RAB27B: variants seen among roughly 807,000 people sequenced by gnomAD.
The protein encoded by RAB27B is ras-related protein Rab-27B.
In RAB27B, 15 loss-of-function variants were observed where a neutral mutation model predicts 24.6. The ratio of observed to expected loss-of-function variants is 0.61; its 90% CI spans 0.41 to 0.94. The LOEUF (loss-of-function observed/expected upper bound fraction) is 0.94, where lower values mean the gene tolerates loss of function less well. Among genes scored for constraint, RAB27B ranks in the 40% least tolerant of loss-of-function variants. The pLI is 0.00. For synonymous variants in RAB27B, 105 were observed against 92.5 expected (o/e 1.14, Z -0.78); for missense variants, 261 against 266.8 (o/e 0.98, Z 0.15).
intron 2 of RAB27B, among the ~76,000 whole-genome samples, chr18:54,805,020 T>A (rs573656092): frequency 2.0e-5 from 3 of 151,632 alleles, no homozygotes; most frequent in South Asian, 4.2e-4. Context: ...CTTTTTTTAA[T>A]TTTTGACTGC....
intron 1 of RAB27B, among the ~76,000 whole-genome samples, chr18:54,855,224 G>A (rs929199296): frequency 2.6e-5 from 4 of 152,194 alleles, no homozygotes; most frequent in African/African-American, 7.2e-5. Context: ...AGGAGGTGGA[G>A]CTCAGACGGT....
At chr18:54,720,464 A>G (rs1370568961) in intron 2 of RAB27B, among the ~76,000 whole-genome samples, 1 of 152,128 alleles carries the variant, frequency 6.6e-6, no homozygotes, top group African/African-American at 2.4e-5. Context: ...AAGACAGACA[A>G]TATTCCCTAA....
intron 2 of RAB27B, among the ~76,000 whole-genome samples, chr18:54,743,609 G>A (rs1393307748): frequency 3.3e-5 from 5 of 152,142 alleles, no homozygotes; most frequent in Non-Finnish European, 4.4e-5. Flanking sequence ...GATGACTGGT[G>A]GATGCCTGGT....
intron 2 of RAB27B, among the ~76,000 whole-genome samples, chr18:54,759,966 C>A (rs535433508): frequency 6.6e-6 from 1 of 152,296 alleles, no homozygotes; most frequent in East Asian, 1.9e-4. Flanking sequence ...GTTCCTGCAA[C>A]CTGATTCTTC....
chr18:54,729,260 T>A (rs1227284006), intron 2 of RAB27B, among the ~76,000 whole-genome samples: 1 of 152,110 alleles, frequency 6.6e-6, no homozygotes, highest in Non-Finnish European at 1.5e-5. Context: ...GGGCCTAGAA[T>A]GATTAAGTTT....
Position 54,891,404 on chromosome 18 carries a change from C to G in RAB27B, c.*1991C>G, listed in dbSNP as rs1304999144. The G allele has an allele frequency of 6.6e-6, 1 of 151,078 alleles. No homozygotes were observed. The highest frequency in any genetic ancestry group is 2.5e-5 in the African/African-American group (1 of 40,456). The allele number at this position is 151,078 out of a possible 1,614,324, so 9.4% of individuals were successfully genotyped here. A position where few individuals can be genotyped will look rare whatever the true frequency, so the allele number is the denominator to read the frequency against. The stretch of plus-strand genomic sequence containing the variant: ...GGTATTCCCTCCCATGGTGTTTCCT[C>G]TGGGATGCTCTTCATTATCTCAATG... On this transcript the variant is annotated 3_prime_UTR_variant, in exon 6 of 6. Coordinates refer to ENST00000262094, the MANE Select transcript of RAB27B (RefSeq NM_004163.4).
intron 2 of RAB27B, among the ~76,000 whole-genome samples, chr18:54,777,441 C>T (rs1908751394): frequency 6.6e-6 from 1 of 152,230 alleles, no homozygotes; most frequent in South Asian, 2.1e-4. Flanking sequence ...AGTATTTCTG[C>T]AGCCCAGTGT....
intron 1 of RAB27B, among the ~76,000 whole-genome samples, chr18:54,872,154 T>C (rs947046933): frequency 6.6e-6 from 1 of 152,156 alleles, no homozygotes; most frequent in Non-Finnish European, 1.5e-5. Flanking sequence ...AGGAGCCCAG[T>C]TCTCTGAGCC....
At position 54,888,105 on chromosome 18, in the gene RAB27B, G is replaced by T. The variant is rs1306664518; in HGVS notation, c.454G>T (p.Ala152Ser). The stretch of plus-strand genomic sequence containing the variant: ...CAATGAACGGCAAGCTCGGGAACTG[G>T]CTGACAAATATGGGTAAGTCAGTTA... ...EVNERQAREL[A>S]DKYGIPYFET... The change falls in exon 5 of 6, where the codon GCT becomes TCT. Residue 152 changes from alanine (A) to serine (S), a missense_variant. Physicochemically the swap from Ala to Ser is moderately conservative, Grantham distance 99. Transcript: ENST00000262094. 2 of 1,612,542 alleles carry T rather than the reference G, an allele frequency of 1.2e-6. No homozygotes were observed. The highest frequency in any genetic ancestry group is 4.5e-5 in the East Asian group (2 of 44,836).
chr18:54,830,010 C>T (rs1910614228), intron 1 of RAB27B, among the ~76,000 whole-genome samples: 1 of 152,120 alleles, frequency 6.6e-6, no homozygotes, highest in Non-Finnish European at 1.5e-5. Flanking sequence ...ACTGTCATTG[C>T]TTTCGAAAGG....
intron 1 of RAB27B, among the ~76,000 whole-genome samples, chr18:54,833,234 C>CTTTTT (rs559070445): frequency 0.22 from 28,114 of 129,280 alleles, 3,850 homozygotes; most frequent in African/African-American, 0.31. Flanking sequence ...TTCTTTCTTT[C>CTTTTT]TTTTTTTTTT....
intron 2 of RAB27B, among the ~76,000 whole-genome samples, chr18:54,797,204 C>T (rs773711917): frequency 9.2e-5 from 14 of 152,208 alleles, no homozygotes; most frequent in East Asian, 1.9e-4. Context: ...TAGGGAATCA[C>T]ATCTCTTAAA....
At chr18:54,833,271 G>A (rs566401204) in intron 1 of RAB27B, among the ~76,000 whole-genome samples, 12 of 130,500 alleles carry the variant, frequency 9.2e-5, no homozygotes, top group African/African-American at 3.5e-4. Context: ...CTGTTGCCCA[G>A]GCTGGAGTGC....
intron 1 of RAB27B, among the ~76,000 whole-genome samples, chr18:54,839,899 A>T (rs1188928645): frequency 1.3e-5 from 2 of 152,228 alleles, no homozygotes; most frequent in Admixed American, 1.3e-4. Flanking sequence ...ACACTATAGC[A>T]TAATGTCTAT....
At chr18:54,726,612 C>T (rs377072181) in intron 2 of RAB27B, among the ~76,000 whole-genome samples, 48 of 151,602 alleles carry the variant, frequency 3.2e-4, no homozygotes, top group African/African-American at 1.1e-3. Context: ...ACAAAAAGGC[C>T]ATTTTACCCA....
chr18:54,852,292 T>C (rs577276328), intron 1 of RAB27B, among the ~76,000 whole-genome samples: 3 of 152,284 alleles, frequency 2.0e-5, no homozygotes, highest in Non-Finnish European at 4.4e-5. Context: ...AGGAGGGATC[T>C]GAGGCCCAGG....
intron 4 of RAB27B, among the ~76,000 whole-genome samples, chr18:54,885,623 CATCA>C (rs1304159643): frequency 1.3e-5 from 2 of 152,150 alleles, no homozygotes; most frequent in African/African-American, 4.8e-5. Flanking sequence ...AAATAGTACT[CATCA>C]CTCTGTATCC....
At chr18:54,786,408 T>C (rs1909087240) in intron 2 of RAB27B, among the ~76,000 whole-genome samples, 2 of 152,226 alleles carry the variant, frequency 1.3e-5, no homozygotes. Context: ...AGGCTTTATT[T>C]CTGTCTCATT....
At chr18:54,829,901 A>C (rs772449610) in intron 1 of RAB27B, among the ~76,000 whole-genome samples, 6 of 152,218 alleles carry the variant, frequency 3.9e-5, no homozygotes, top group Admixed American at 6.5e-5. Flanking sequence ...GCAAGAGGTG[A>C]TTCCTACCAA....
Sources: allele counts gnomAD v4.1 joint callset (sites outside exome capture counted in the v4.1 genomes callset), GRCh38; gene constraint gnomAD v4.1.1; transcripts MANE v1.5; gene names NCBI Gene and HGNC (gene_info 2026-07-23, HGNC 2026-07-21).